Variants in RIC1 observed in about 807,000 individuals in gnomAD.
RIC1 encodes guanine nucleotide exchange factor subunit RIC1.
RIC1 carries 88 observed loss-of-function variants against 169.0 expected under a neutral mutation model. The observed-to-expected ratio is 0.52, with a 90% CI of 0.44 to 0.62. The LOEUF (loss-of-function observed/expected upper bound fraction) is 0.62. Ranked by LOEUF, RIC1 falls within the 20% of genes least tolerant of loss-of-function variation. The pLI is 0.00. For missense variants in RIC1, 1,877 were observed against 1,725.5 expected, an observed-to-expected ratio of 1.09 and a Z score of -1.56; for synonymous variants, 790 against 601.5, an observed-to-expected ratio of 1.31 and a Z score of -4.59.
At position 5,743,020 on chromosome 9, in the gene RIC1, CAAA is replaced by C; in HGVS notation, c.1046+11_1046+13del. ...CACTTGGAGGAGATTTTGCGTAAGT[CAAA>C]AAAGACAATTTTTAGATAAAATAAC... On this transcript the variant is annotated splice_region_variant and intron_variant, in intron 9 of 25. Coordinates refer to ENST00000414202, the MANE Select transcript of RIC1 (RefSeq NM_020829.4). 1 of 1,596,612 alleles carries C rather than the reference CAAA, an allele frequency of 6.3e-7. No homozygotes were observed. The highest frequency in any genetic ancestry group is 8.5e-7 in the Non-Finnish European group (1 of 1,175,222).
At chr9:5,739,737 C>T (rs963517941) in intron 8 of RIC1, among the ~76,000 whole-genome samples, 6 of 152,082 alleles carry the variant, frequency 3.9e-5, no homozygotes, top group African/African-American at 7.2e-5. Flanking sequence ...GATGTTGCCA[C>T]TATTGGGGAT....
intron 2 of RIC1, among the ~76,000 whole-genome samples, chr9:5,681,747 A>G (rs866423975): frequency 6.6e-6 from 1 of 152,176 alleles, no homozygotes; most frequent in Non-Finnish European, 1.5e-5. Context: ...GTGGGGTGTT[A>G]AAGTCTCCCA....
At chr9:5,652,575 T>C (rs1459755653) in intron 1 of RIC1, among the ~76,000 whole-genome samples, 1 of 152,218 alleles carries the variant, frequency 6.6e-6, no homozygotes, top group Non-Finnish European at 1.5e-5. Flanking sequence ...CTTTACTGAA[T>C]TATTTTGTTC....
At chr9:5,675,229 T>A (rs570506627) in intron 2 of RIC1, among the ~76,000 whole-genome samples, 2 of 151,772 alleles carry the variant, frequency 1.3e-5, no homozygotes, top group African/African-American at 4.8e-5. Context: ...GCGGGAAAAA[T>A]GGTTATGGCA....
intron 17 of RIC1, 148 bp from the exon 18 acceptor site, chr9:5,762,393 C>T: frequency 5.4e-6 from 5 of 926,810 alleles, no homozygotes; most frequent in Non-Finnish European, 6.2e-6. Context: ...CCTTATATTC[C>T]CACAGAGCCT....
At chr9:5,698,373 G>C (rs1189430520) in intron 3 of RIC1, among the ~76,000 whole-genome samples, 1 of 152,194 alleles carries the variant, frequency 6.6e-6, no homozygotes, top group Non-Finnish European at 1.5e-5. Context: ...TGGGAAGTTT[G>C]ACTAGTGGTT....
Position 5,773,085 on chromosome 9 carries a change from G to A in RIC1, c.3983+5G>A, listed in dbSNP as rs759310393. ...CCGATGGGCCTCTACAGACTGGTAAGTGCTGCTTTCCTTAGGCTTGGTGTC... is the reference window on the plus strand; with the variant it reads ...CCGATGGGCCTCTACAGACTGGTAAATGCTGCTTTCCTTAGGCTTGGTGTC... On this transcript the variant is annotated splice_donor_5th_base_variant and intron_variant, in intron 25 of 25. Transcript: ENST00000414202. 1.9e-6 allele frequency: 3 copies of A among 1,579,300 alleles called. No homozygotes were observed. The highest frequency in any genetic ancestry group is 1.2e-5 in the South Asian group (1 of 83,574).
At chr9:5,674,650 A>G (rs1820333773) in intron 2 of RIC1, among the ~76,000 whole-genome samples, 1 of 152,230 alleles carries the variant, frequency 6.6e-6, no homozygotes, top group South Asian at 2.1e-4. Context: ...TGTTCACCAT[A>G]TCTTATGTAA....
At chr9:5,776,570 C>T (rs1233501703), downstream of RIC1, 1 of 152,014 alleles carries the variant, frequency 6.6e-6, no homozygotes, top group Non-Finnish European at 1.5e-5. Flanking sequence ...TTGGTTTATT[C>T]ATCATCTCAG....
chr9:5,719,822 C>G (rs1439741675), intron 4 of RIC1, among the ~76,000 whole-genome samples: 1 of 152,174 alleles, frequency 6.6e-6, no homozygotes, highest in Non-Finnish European at 1.5e-5. Flanking sequence ...CTTAATGGCT[C>G]TAGATTGTCA....
intron 6 of RIC1, among the ~76,000 whole-genome samples, chr9:5,729,815 AT>A (rs1253722633): frequency 6.6e-6 from 1 of 151,004 alleles, no homozygotes; most frequent in Admixed American, 6.7e-5. Flanking sequence ...ATAAATAAGA[AT>A]AAAAATAAAC....
chr9:5,762,622 C>A lies in RIC1; in HGVS notation c.2074C>A (p.Arg692=). Reference sequence around the variant, plus strand: ...GAGGGACAGGTCAGGCCCACAGATCCGGGAGAAGGACAGTAACCCTAATAA... The same window carrying A: ...GAGGGACAGGTCAGGCCCACAGATCAGGGAGAAGGACAGTAACCCTAATAA... ...MQRDRSGPQI[R]EKDSNPNNQR... is the part of the protein sequence containing the mutation. Residue 692 remains arginine (R), a synonymous_variant, in exon 18 of 26, where the codon CGG becomes AGG. Transcript: ENST00000414202. 6.2e-7 allele frequency: 1 copy of A among 1,613,844 alleles called. No homozygotes were observed. Among genetic ancestry groups the A allele is most frequent in the Non-Finnish European group, 8.5e-7 (1 of 1,179,906 alleles).
chr9:5,707,290 G>C (rs553657511), intron 3 of RIC1, among the ~76,000 whole-genome samples: 20 of 152,010 alleles, frequency 1.3e-4, no homozygotes, highest in African/African-American at 4.8e-4. Flanking sequence ...ACTTTTTTGT[G>C]GTTTAATATC....
intron 3 of RIC1, among the ~76,000 whole-genome samples, chr9:5,695,692 TC>T (rs1821858044): frequency 6.6e-6 from 1 of 151,258 alleles, no homozygotes; most frequent in African/African-American, 2.4e-5. Context: ...CATGTCTCAA[TC>T]CTGAGTAGCT....
intron 12 of RIC1, among the ~76,000 whole-genome samples, chr9:5,751,927 A>G (rs1314193490): frequency 1.3e-5 from 2 of 152,176 alleles, no homozygotes; most frequent in Admixed American, 1.3e-4. Flanking sequence ...TAGTTTTTCA[A>G]TATGTGACAA....
chr9:5,763,951 A>G lies in RIC1; in HGVS notation c.2841+83A>G. On this transcript the variant is annotated intron_variant, in intron 19 of 25. Coordinates refer to ENST00000414202, the MANE Select transcript of RIC1 (RefSeq NM_020829.4). The surrounding 1 kb of genome is among the most constrained non-coding windows in gnomAD (Gnocchi z 5.2). ...AGAAATGTCCTGTTTTGACACCATG[A>G]TTGTGTTTAAGGAATTCATAGTCAA... 7.0e-7 allele frequency: 1 copy of G among 1,435,898 alleles called. No homozygotes were observed. The allele number at this position is 1,435,898 out of a possible 1,614,324, so 88.9% of individuals were successfully genotyped here. A position where few individuals can be genotyped will look rare whatever the true frequency, so the allele number is the denominator to read the frequency against.
chr9:5,650,175 T>G (rs1586879598), intron 1 of RIC1, among the ~76,000 whole-genome samples: 1 of 151,998 alleles, frequency 6.6e-6, no homozygotes, highest in Non-Finnish European at 1.5e-5. Context: ...CTTGCTTAGG[T>G]GCTGGTGGTT....
intron 2 of RIC1, among the ~76,000 whole-genome samples, chr9:5,657,296 A>G (rs74751358): frequency 0.019 from 2,839 of 152,092 alleles, 96 homozygotes; most frequent in African/African-American, 0.065. Context: ...GTGCCTAGAT[A>G]TGTTTAATTT....
intron 12 of RIC1, among the ~76,000 whole-genome samples, chr9:5,751,588 C>G (rs1243957990): frequency 1.3e-5 from 2 of 149,646 alleles, no homozygotes; most frequent in African/African-American, 5.1e-5. Context: ...CTCCTGACCT[C>G]AGGCAATCTG....
Sources: allele counts gnomAD v4.1 joint callset (sites outside exome capture counted in the v4.1 genomes callset), GRCh38; gene constraint gnomAD v4.1.1; non-coding constraint Gnocchi (gnomAD v3.1); transcripts MANE v1.5; gene names NCBI Gene and HGNC (gene_info 2026-07-23, HGNC 2026-07-21).